Variants in FHIT observed in about 807,000 individuals in gnomAD.
FHIT encodes fragile histidine triad diadenosine triphosphatase.
Under a neutral mutation model 17.9 loss-of-function variants are expected in FHIT, and 19 were observed. The observed-to-expected ratio is 1.06, with a 90% CI of 0.74 to 1.56. The LOEUF is 1.56. Ranked by LOEUF, FHIT falls within the 40% of genes most tolerant of loss-of-function variation. FHIT has a pLI of 0.00. For missense variants in FHIT, 248 were observed against 189.2 expected (o/e 1.31, Z -1.82); for synonymous variants, 81 against 69.7 (o/e 1.16, Z -0.81).
At chr3:59,817,467 G>A (rs572688794) in intron 8 of FHIT, among the ~76,000 whole-genome samples, 3 of 151,052 alleles carry the variant, frequency 2.0e-5, no homozygotes, top group African/African-American at 7.3e-5. Flanking sequence ...GGGAGGCTGA[G>A]GCAGGATCAC....
At chr3:60,840,583 G>A (rs554786719) in intron 3 of FHIT, among the ~76,000 whole-genome samples, 51 of 152,290 alleles carry the variant, frequency 3.3e-4, no homozygotes, top group African/African-American at 1.2e-3. Context: ...CTGGGAATCT[G>A]CTTGTCTGAA....
intron 5 of FHIT, among the ~76,000 whole-genome samples, chr3:60,494,950 C>A (rs750112724): frequency 2.0e-5 from 3 of 152,120 alleles, no homozygotes; most frequent in Non-Finnish European, 2.9e-5. Context: ...GAGCGCAGAT[C>A]GCTCTGTGAT....
intron 5 of FHIT, among the ~76,000 whole-genome samples, chr3:60,216,571 T>G (rs1317418959): frequency 6.6e-6 from 1 of 152,182 alleles, no homozygotes; most frequent in Non-Finnish European, 1.5e-5. Flanking sequence ...TGATTCATTT[T>G]ACTGTCTACC....
At chr3:59,982,546 ATAAC>A (rs1708700592) in intron 7 of FHIT, among the ~76,000 whole-genome samples, 1 of 152,200 alleles carries the variant, frequency 6.6e-6, no homozygotes, top group Non-Finnish European at 1.5e-5. Flanking sequence ...ATCAAGTGTA[ATAAC>A]TAACTTTACT....
At chr3:60,531,567 C>T (rs1030381613) in intron 5 of FHIT, among the ~76,000 whole-genome samples, 20 of 152,214 alleles carry the variant, frequency 1.3e-4, no homozygotes, top group African/African-American at 4.6e-4. Flanking sequence ...CGTGAGCCAC[C>T]GCGCCCGGCC....
At chr3:60,925,315 T>C (rs1324613685) in intron 3 of FHIT, among the ~76,000 whole-genome samples, 1 of 152,106 alleles carries the variant, frequency 6.6e-6, no homozygotes, top group Non-Finnish European at 1.5e-5. Flanking sequence ...GAGAGAAAGG[T>C]CGGGTTACCC....
rs73839548 is a variant in FHIT, at chr3:59,866,464, G to T, written c.348+55882C>A. Among the ~76,000 whole-genome samples, 993 of 152,302 alleles carry T rather than the reference G, an allele frequency of 6.5e-3. 12 individuals are homozygous for T. Among genetic ancestry groups the T allele is most frequent in the African/African-American group, 0.023 (955 of 41,554 alleles). On this transcript the variant is annotated intron_variant, in intron 8 of 9. Coordinates refer to ENST00000492590, the MANE Select transcript of FHIT (RefSeq NM_002012.4). Reference sequence around the variant, plus strand: ...GTGTAGTGGTTGGAAGCCAATGGAAGGTTGACAACGGGGGCATGACAAAAT... The same window carrying T: ...GTGTAGTGGTTGGAAGCCAATGGAATGTTGACAACGGGGGCATGACAAAAT...
chr3:60,784,255 G>A (rs1212503272), intron 4 of FHIT, among the ~76,000 whole-genome samples: 4 of 152,078 alleles, frequency 2.6e-5, no homozygotes, highest in Non-Finnish European at 5.9e-5. Context: ...CCTGTAAGAG[G>A]CCCCGGACAG....
At chr3:60,457,185 A>C (rs950388216) in intron 5 of FHIT, among the ~76,000 whole-genome samples, 1 of 152,108 alleles carries the variant, frequency 6.6e-6, no homozygotes, top group Non-Finnish European at 1.5e-5. Context: ...AAACAATACT[A>C]CAAGGCTACA....
intron 4 of FHIT, among the ~76,000 whole-genome samples, chr3:60,569,755 A>ATATATATATATTTTTTT: frequency 6.5e-5 from 5 of 77,336 alleles, no homozygotes; most frequent in Non-Finnish European, 1.2e-4. Flanking sequence ...ATATATATAT[A>ATATATATATATTTTTTT]TTTTTTTTTT....
chr3:60,256,212 C>G (rs1270687339), intron 5 of FHIT, among the ~76,000 whole-genome samples: 2 of 152,136 alleles, frequency 1.3e-5, no homozygotes, highest in Admixed American at 6.5e-5. Context: ...TCATTAGTAA[C>G]TGAAATGAGC....
At chr3:60,430,995 T>C (rs892482717) in intron 5 of FHIT, among the ~76,000 whole-genome samples, 3 of 151,926 alleles carry the variant, frequency 2.0e-5, no homozygotes, top group Non-Finnish European at 4.4e-5. Context: ...GCAGATTACT[T>C]GAGGTCAACA....
chr3:60,803,413 G>T (rs1553732933), intron 4 of FHIT, among the ~76,000 whole-genome samples: 1 of 152,138 alleles, frequency 6.6e-6, no homozygotes, highest in African/African-American at 2.4e-5. Flanking sequence ...TTGGGATGGG[G>T]GACACTTTCT....
At chr3:60,518,747 G>A (rs1272543604) in intron 5 of FHIT, among the ~76,000 whole-genome samples, 1 of 152,178 alleles carries the variant, frequency 6.6e-6, no homozygotes, top group Admixed American at 6.5e-5. Flanking sequence ...GCTGGCTCAT[G>A]CCTGTAATCC....
At chr3:60,560,822 CACACACACACACACACACACACAG>C (rs1189868020) in intron 4 of FHIT, among the ~76,000 whole-genome samples, 23 of 131,276 alleles carry the variant, frequency 1.8e-4, no homozygotes, top group African/African-American at 5.4e-4. Context: ...CACACACACA[CACACACACACACACACACACACAG>C]AGAGAGAGAG....
chr3:59,864,596 G>C (rs781027961), intron 8 of FHIT, among the ~76,000 whole-genome samples: 61 of 151,534 alleles, frequency 4.0e-4, no homozygotes, highest in Non-Finnish European at 7.1e-4. Context: ...GGCTGATCTA[G>C]TATACAACCC....
intron 4 of FHIT, among the ~76,000 whole-genome samples, chr3:60,715,970 G>A (rs2041673330): frequency 6.6e-6 from 1 of 152,112 alleles, no homozygotes; most frequent in African/African-American, 2.4e-5. Context: ...TGTGGCCTTG[G>A]CTGAGCACGG....
intron 5 of FHIT, among the ~76,000 whole-genome samples, chr3:60,040,157 A>AT (rs35207762): frequency 0.41 from 61,782 of 151,522 alleles, 13,954 homozygotes; most frequent in Middle Eastern, 0.58. Context: ...TTATTTATTT[A>AT]TTTTTTTGAG....
At chr3:60,445,509 C>G (rs1053670657) in intron 5 of FHIT, among the ~76,000 whole-genome samples, 2 of 152,060 alleles carry the variant, frequency 1.3e-5, no homozygotes, top group Admixed American at 6.6e-5. Flanking sequence ...AGTAATGGCT[C>G]TTCTCTTGGA....
Sources: gnomAD v4.1 joint callset for allele counts (sites outside exome capture counted in the v4.1 genomes callset) on GRCh38, gnomAD v4.1.1 for gene constraint, MANE v1.5 for transcripts, NCBI Gene and HGNC (gene_info 2026-07-23, HGNC 2026-07-21) for gene names.